Variants in PROCR observed in about 807,000 individuals in gnomAD.
PROCR encodes the protein endothelial protein C receptor.
Under a neutral mutation model 24.2 loss-of-function variants are expected in PROCR, and 22 were observed. The observed-to-expected ratio is 0.91, with a 90% CI of 0.65 to 1.30. The LOEUF is 1.30. PROCR is among the 50% of genes most tolerant of loss of function. The pLI is 0.00. For missense variants in PROCR, 288 were observed against 307.7 expected, an observed-to-expected ratio of 0.94 and a Z score of 0.48; for synonymous variants, 137 against 139.2, an observed-to-expected ratio of 0.98 and a Z score of 0.11.
chr20:35,210,571 C>T (rs991506546), intron 1 of PROCR, among the ~76,000 whole-genome samples: 2 of 151,990 alleles, frequency 1.3e-5, no homozygotes, highest in Admixed American at 6.6e-5. Context: ...AAAATATAGA[C>T]ATATTTTTAA....
Position 35,176,957 on chromosome 20 carries a change from G to A in PROCR, c.*144G>A, listed in dbSNP as rs1182373407. 3.3e-6 allele frequency: 5 copies of A among 1,511,130 alleles called. No homozygotes were observed. In the African/African-American group the frequency reaches 6.9e-5, roughly 21 times the overall value. 93.6% of individuals were successfully genotyped at this position (1,511,130 alleles called of 1,614,324 possible). On this transcript the variant is annotated 3_prime_UTR_variant, in exon 4 of 4. Coordinates refer to ENST00000216968, the MANE Select transcript of PROCR (RefSeq NM_006404.5). ...CTTTCTTCTCCCACATCTGCCCACTGAAGATTTGAGGGAGGGGAGATGGAG... is the reference window on the plus strand; with the variant it reads ...CTTTCTTCTCCCACATCTGCCCACTAAAGATTTGAGGGAGGGGAGATGGAG...
rs529011558 is a variant in PROCR, at chr20:35,187,685, G to C, written c.94+11239G>C. Among the ~76,000 whole-genome samples the C allele has an allele frequency of 2.0e-5, 3 of 152,292 alleles. No homozygotes were observed. The South Asian group carries it at 6.2e-4, about 32-fold the overall frequency. On this transcript the variant is annotated intron_variant, in intron 1 of 1. Coordinates refer to the PROCR transcript ENST00000634509. ...CTCATTTCCAGGAGTTTCTACACAG[G>C]GTGAAGAGTGAATGGAAGGTTCATC...
downstream of PROCR, chr20:35,177,411 C>A: frequency 1.1e-6 from 1 of 945,666 alleles, no homozygotes. Context: ...AACCTATACC[C>A]ATTTCTTCTG....
At chr20:35,188,166 T>G (rs1217830416) in intron 1 of PROCR, among the ~76,000 whole-genome samples, 2 of 152,180 alleles carry the variant, frequency 1.3e-5, no homozygotes, top group African/African-American at 4.8e-5. Flanking sequence ...GCATTCTTTT[T>G]CCAACTCAGC....
Position 35,176,716 on chromosome 20 carries a change from C to T in PROCR, c.620C>T (p.Ser207Phe), listed in dbSNP as rs2086023149. ...ENTKGSQTSR[S>F]YTSLVLGVLV... is the part of the protein sequence containing the mutation. Reference sequence around the variant, plus strand: ...TCTGCAGGGAGCCAAACAAGCCGCTCCTACACTTCGCTGGTCCTGGGCGTC... The same window carrying T: ...TCTGCAGGGAGCCAAACAAGCCGCTTCTACACTTCGCTGGTCCTGGGCGTC... Residue 207 changes from serine (S) to phenylalanine (F), a missense_variant, in exon 4 of 4, where the codon TCC becomes TTC. Physicochemically the swap from Ser to Phe is radical, Grantham distance 155. Coordinates refer to ENST00000216968, the MANE Select transcript of PROCR (RefSeq NM_006404.5). 1 of 1,612,512 alleles carries T rather than the reference C, an allele frequency of 6.2e-7. No individual in the cohort carries two copies. Among genetic ancestry groups the T allele is most frequent in the South Asian group, 1.1e-5 (1 of 90,642 alleles).
At chr20:35,178,121 C>T (rs532778008), downstream of PROCR, among the ~76,000 whole-genome samples, 12 of 151,830 alleles carry the variant, frequency 7.9e-5, no homozygotes, top group South Asian at 2.1e-3. Context: ...TGTGTTTTGT[C>T]GGCCAGGCGC....
chr20:35,176,502 A>AATGGATGGACCTGAAGG (rs2086020115), intron 3 of PROCR, 56 bp downstream of exon 3: 2 of 1,606,474 alleles, frequency 1.2e-6, no homozygotes, highest in Admixed American at 1.7e-5. Context: ...GTTCCAGACA[A>AATGGATGGACCTGAAGG]ATGGATGGAC....
intron 3 of PROCR, 119 bp downstream of exon 3, chr20:35,176,565 C>A: frequency 6.3e-7 from 1 of 1,595,344 alleles, no homozygotes; most frequent in Non-Finnish European, 8.5e-7. Context: ...GGGTTTGGGA[C>A]AGAACACACG....
chr20:35,201,571 C>T (rs2060318343), intron 1 of PROCR, among the ~76,000 whole-genome samples: 1 of 151,958 alleles, frequency 6.6e-6, no homozygotes, highest in Non-Finnish European at 1.5e-5. Flanking sequence ...GCCTGTAATC[C>T]CAGCTACTCG....
At chr20:35,176,589 T>A (rs946818095) in intron 3 of PROCR, 109 bp from the exon 4 acceptor site, 1 of 1,580,424 alleles carries the variant, frequency 6.3e-7, no homozygotes, top group Non-Finnish European at 8.6e-7. Context: ...CTTCAGTCAG[T>A]TGGTAAACGG....
intron 2 of PROCR, among the ~76,000 whole-genome samples, chr20:35,175,737 A>G (rs559358919): frequency 6.1e-4 from 93 of 151,312 alleles, no homozygotes; most frequent in African/African-American, 2.0e-3. Flanking sequence ...GGCACCCGCC[A>G]CCACGCCCGG....
At position 35,176,899 on chromosome 20, in the gene PROCR, A is replaced by G. The variant is rs528644660; in HGVS notation, c.*86A>G. 20 of 1,557,396 alleles carry G rather than the reference A, an allele frequency of 1.3e-5. No individual in the cohort carries two copies. Among genetic ancestry groups the G allele is most frequent in the South Asian group, 2.4e-5 (2 of 84,630 alleles). On this transcript the variant is annotated 3_prime_UTR_variant, in exon 4 of 4. Coordinates refer to ENST00000216968, the MANE Select transcript of PROCR (RefSeq NM_006404.5). ...GCTCACTGTGAAGCCAGACTCCCCA[A>G]CTGAAACACCAGAAGGTTTGGAGTG...
rs908097597 is a variant in PROCR, at chr20:35,197,050, G to A, written c.95-18843G>A. ...AGGTTTATGGGGCAAGTCTATCAGT[G>A]CCATTTTTCCAACAGTATATGTTCA... is the stretch of plus-strand genomic sequence containing the variant. On this transcript the variant is annotated intron_variant, in intron 1 of 1. Transcript: ENST00000634509. Among the ~76,000 whole-genome samples, 3 of 152,164 alleles carry A rather than the reference G, an allele frequency of 2.0e-5. No individual in the cohort carries two copies. In the East Asian group the frequency reaches 5.8e-4, roughly 29 times the overall value.
intron 1 of PROCR, chr20:35,203,041 G>T (rs1299197508): frequency 6.6e-6 from 1 of 152,180 alleles, no homozygotes; most frequent in East Asian, 1.9e-4. Flanking sequence ...ACTTTAGGAG[G>T]CTGAGGCAGT....
intron 1 of PROCR, among the ~76,000 whole-genome samples, chr20:35,196,107 A>G (rs1003948388): frequency 3.6e-5 from 5 of 138,134 alleles, no homozygotes; most frequent in Non-Finnish European, 6.1e-5. Flanking sequence ...GCTTGAACCC[A>G]GGAGGCAGAG....
At position 35,177,212 on chromosome 20, in the gene PROCR, C is replaced by T. The variant is rs1172631906; in HGVS notation, c.*399C>T. ...AATCAAAATACAACATTCAATACTT[C>T]CAGGTGTGTCAGACTTGGGATGGGA... On this transcript the variant is annotated 3_prime_UTR_variant, in exon 4 of 4. Coordinates refer to ENST00000216968, the MANE Select transcript of PROCR (RefSeq NM_006404.5). The T allele has an allele frequency of 8.3e-6, 9 of 1,086,100 alleles. No homozygotes were observed. The highest frequency in any genetic ancestry group is 9.0e-6 in the Non-Finnish European group (8 of 889,908). 67.3% of individuals were successfully genotyped at this position (1,086,100 alleles called of 1,614,324 possible).
chr20:35,176,923 T>G lies in PROCR; in HGVS notation c.*110T>G. ...AACTGAAACACCAGAAGGTTTGGAGTGACAGCTCCTTTCTTCTCCCACATC... is the reference window on the plus strand; with the variant it reads ...AACTGAAACACCAGAAGGTTTGGAGGGACAGCTCCTTTCTTCTCCCACATC... On this transcript the variant is annotated 3_prime_UTR_variant, in exon 4 of 4. Coordinates refer to ENST00000216968, the MANE Select transcript of PROCR (RefSeq NM_006404.5). 6.5e-7 allele frequency: 1 copy of G among 1,537,016 alleles called. No homozygotes were observed. The highest frequency in any genetic ancestry group is 8.8e-7 in the Non-Finnish European group (1 of 1,139,470).
chr20:35,177,002 C>T lies in PROCR; in HGVS notation c.*189C>T. The stretch of plus-strand genomic sequence containing the variant: ...ATGGAGAGGAGAGGTGGACAAAGTA[C>T]TTGGTTTGCTAAGAACCTAAGAACG... On this transcript the variant is annotated 3_prime_UTR_variant, in exon 4 of 4. Transcript: ENST00000216968. 7 of 1,436,042 alleles carry T rather than the reference C, an allele frequency of 4.9e-6. No individual in the cohort carries two copies. The highest frequency in any genetic ancestry group is 6.4e-6 in the Non-Finnish European group (7 of 1,094,666). 89.0% of individuals were successfully genotyped at this position (1,436,042 alleles called of 1,614,324 possible).
intron 1 of PROCR, among the ~76,000 whole-genome samples, 188 bp downstream of exon 1, chr20:35,172,412 T>TCCC (rs1245007003): frequency 2.6e-4 from 39 of 152,140 alleles, no homozygotes; most frequent in African/African-American, 9.4e-4. Flanking sequence ...GTTAGTACAT[T>TCCC]TAAGCCCCTG....
Sources: gnomAD v4.1 joint callset for allele counts (sites outside exome capture counted in the v4.1 genomes callset) on GRCh38, gnomAD v4.1.1 for gene constraint, MANE v1.5 for transcripts, NCBI Gene and HGNC (gene_info 2026-07-23, HGNC 2026-07-21) for gene names.